Variants in COL4A5 observed in about 807,000 individuals in gnomAD.
COL4A5 encodes collagen type IV alpha 5 chain.
In COL4A5, 26 loss-of-function variants were observed where a neutral mutation model predicts 130.2. The observed-to-expected ratio is 0.20, with a 90% CI of 0.15 to 0.28. COL4A5 has a LOEUF of 0.28. COL4A5 is among the 10% of genes least tolerant of loss of function. The pLI, the probability that COL4A5 is intolerant of heterozygous loss-of-function variation, is 1.00. For missense variants in COL4A5, 1,131 were observed against 1,344.3 expected, an observed-to-expected ratio of 0.84 and a Z score of 2.48; for synonymous variants, 496 against 439.6, an observed-to-expected ratio of 1.13 and a Z score of -1.60.
chrX:108,677,297 G>A (rs183721763), intron 43 of COL4A5, among the ~76,000 whole-genome samples: 2 of 112,148 alleles, frequency 1.8e-5, no homozygotes, highest in Non-Finnish European at 3.8e-5. Context: ...TAAACTAAAA[G>A]AGTCTGCAAA....
In COL4A5 at chrX:108,666,479, T is replaced by A. The variant is rs899650518; in HGVS notation, c.3455-17T>A. The A allele has an allele frequency of 2.4e-5, 28 of 1,171,631 alleles. No homozygotes were observed. Among genetic ancestry groups the A allele is most frequent in the Non-Finnish European group, 3.0e-5 (26 of 865,255 alleles). On this transcript the variant is annotated splice_polypyrimidine_tract_variant and intron_variant, in intron 38 of 52. Transcript: ENST00000328300. ...AATTGGAAAACTGGGTGTAACCTGC[T>A]GTACTCAATTTTTTAGGTGGTGGAG...
intron 1 of COL4A5, among the ~76,000 whole-genome samples, chrX:108,534,483 C>T (rs1048463436): frequency 2.7e-5 from 3 of 110,912 alleles, no homozygotes; most frequent in African/African-American, 9.8e-5. Flanking sequence ...AATAAGCCAG[C>T]CACAGATTGA....
intron 36 of COL4A5, among the ~76,000 whole-genome samples, chrX:108,637,135 A>G (rs1239042816): frequency 1.8e-5 from 2 of 108,758 alleles, no homozygotes; most frequent in Non-Finnish European, 3.8e-5. Flanking sequence ...GGGTTTTGCC[A>G]TGTTGGACAG....
intron 1 of COL4A5, among the ~76,000 whole-genome samples, chrX:108,526,673 C>CTTTCTT (rs1164780773): frequency 5.8e-5 from 1 of 17,248 alleles, no homozygotes; most frequent in Non-Finnish European, 1.3e-4. Flanking sequence ...CTTTCTTTCT[C>CTTTCTT]TTTCTTTCTT....
rs190959872 is a variant in COL4A5 at position 108,592,386 on chromosome X, C to T, written c.1423+742C>T. On this transcript the variant is annotated intron_variant, in intron 21 of 52. Coordinates refer to ENST00000328300, the MANE Select transcript of COL4A5 (RefSeq NM_033380.3). ...ATTTTTCCCTCTCTATTCAGTCATT[C>T]CAAGGAGCATACAAATATGCTTTTT... Among the ~76,000 whole-genome samples the T allele has an allele frequency of 1.4e-4, 16 of 111,245 alleles. No homozygotes were observed. The East Asian group carries it at 4.2e-3, about 30-fold the overall frequency.
Position 108,603,077 on chromosome X carries a change from C to G in COL4A5, c.2244+16C>G. 1 of 1,023,081 alleles carries G rather than the reference C, an allele frequency of 9.8e-7. No individual in the cohort carries two copies. Among genetic ancestry groups the G allele is most frequent in the Non-Finnish European group, 1.4e-6 (1 of 738,427 alleles). The allele number at this position is 1,023,081 out of a possible 1,213,427, so 84.3% of individuals were successfully genotyped here. On this transcript the variant is annotated intron_variant, in intron 28 of 52. Coordinates refer to ENST00000328300, the MANE Select transcript of COL4A5 (RefSeq NM_033380.3). ...AGGACCAAAGGTCTGGGACATTTTT[C>G]TTTATTCCTTCTCATTTTCTTATCT...
At position 108,633,552 on chromosome X, in the gene COL4A5, A is replaced by T. The variant is rs1303675309; in HGVS notation, c.3246+7203A>T. ...TGAATTTTTTTTTCTGGAATGAGTG[A>T]ATTTTAACATTTTACTAATGGAATC... On this transcript the variant is annotated intron_variant, in intron 36 of 52. Coordinates refer to ENST00000328300, the MANE Select transcript of COL4A5 (RefSeq NM_033380.3). 2.7e-5 allele frequency among the ~76,000 whole-genome samples: 3 copies of T among 110,867 alleles called. No individual in the cohort carries two copies. The East Asian group carries it at 8.5e-4, about 31-fold the overall frequency.
intron 42 of COL4A5, among the ~76,000 whole-genome samples, chrX:108,671,521 A>G (rs2068206992): frequency 8.9e-6 from 1 of 111,826 alleles, no homozygotes; most frequent in Admixed American, 9.6e-5. Context: ...CACAAGACAG[A>G]TTTTATTCAG....
chrX:108,694,117 A>G (rs1034174325), intron 50 of COL4A5: 2 of 110,793 alleles, frequency 1.8e-5, no homozygotes, highest in African/African-American at 6.6e-5. Context: ...AAGCTTGTCT[A>G]AATGTATTAA....
Position 108,563,995 on chromosome X carries a change from T to C in COL4A5, c.276+69T>C, listed in dbSNP as rs149638471. ...CAGATAGAGAACAAATGAAGTATTA[T>C]GAGACAATTGGAAAAGACCCATATT... On this transcript the variant is annotated intron_variant, in intron 4 of 52. Transcript: ENST00000328300. The C allele has an allele frequency of 0.019, 17,855 of 959,682 alleles. 139 individuals carry two copies. The highest frequency in any genetic ancestry group is 0.027 in the South Asian group (1,256 of 46,403). The allele number at this position is 959,682 out of a possible 1,213,427, so 79.1% of individuals were successfully genotyped here.
At chrX:108,465,283 T>A (rs762223410) in intron 1 of COL4A5, among the ~76,000 whole-genome samples, 30 of 112,578 alleles carry the variant, frequency 2.7e-4, no homozygotes, top group East Asian at 2.2e-3. Context: ...AAGACTTTTT[T>A]AATTATAGCT....
chrX:108,531,010 C>A (rs2065377365), intron 1 of COL4A5, among the ~76,000 whole-genome samples: 1 of 101,894 alleles, frequency 9.8e-6, no homozygotes, highest in Non-Finnish European at 2.0e-5. Flanking sequence ...ACATATACAC[C>A]ATGGAATACT....
chrX:108,610,115 C>T (rs962341748), intron 29 of COL4A5, among the ~76,000 whole-genome samples: 7 of 110,737 alleles, frequency 6.3e-5, no homozygotes, highest in Non-Finnish European at 1.1e-4. Context: ...TTGTTAACTG[C>T]CAATATCCTT....
At chrX:108,604,766 TG>T (rs1182221340) in intron 28 of COL4A5, among the ~76,000 whole-genome samples, 7 of 112,500 alleles carry the variant, frequency 6.2e-5, no homozygotes, top group Non-Finnish European at 5.6e-5. Context: ...GAAAATCTGT[TG>T]TTTAGTGTAG....
chrX:108,555,822 T>G (rs1248400067), intron 2 of COL4A5, among the ~76,000 whole-genome samples: 1 of 112,077 alleles, frequency 8.9e-6, no homozygotes, highest in Non-Finnish European at 1.9e-5. Context: ...TTATTCTTCT[T>G]AATAAATGAT....
chrX:108,674,897 G>A (rs2068277308), intron 43 of COL4A5, 144 bp downstream of exon 43: 1 of 540,087 alleles, frequency 1.9e-6, no homozygotes, highest in Non-Finnish European at 2.9e-6. Flanking sequence ...ACATTTTGAT[G>A]AAGGTAATGT....
At chrX:108,539,901 C>T (rs996172318) in intron 2 of COL4A5, 96 bp downstream of exon 2, 6 of 672,517 alleles carry the variant, frequency 8.9e-6, no homozygotes, top group Non-Finnish European at 1.4e-5. Flanking sequence ...TATCTCAGTA[C>T]TTAAGTAAGT....
At chrX:108,642,437 A>C (rs765102378) in intron 36 of COL4A5, among the ~76,000 whole-genome samples, 48 of 111,371 alleles carry the variant, frequency 4.3e-4, no homozygotes, top group Admixed American at 3.8e-3. Flanking sequence ...AACCAGCCCC[A>C]AAATAGAGCA....
intron 1 of COL4A5, among the ~76,000 whole-genome samples, chrX:108,492,443 A>G (rs1377869933): frequency 8.9e-6 from 1 of 112,025 alleles, no homozygotes; most frequent in Non-Finnish European, 1.9e-5. Flanking sequence ...AGAGAATCTG[A>G]TTTTCAGATT....
Sources: allele counts gnomAD v4.1 joint callset (sites outside exome capture counted in the v4.1 genomes callset), GRCh38; gene constraint gnomAD v4.1.1; transcripts MANE v1.5; gene names NCBI Gene and HGNC (gene_info 2026-07-23, HGNC 2026-07-21).